ZNF597: variants seen among roughly 807,000 people sequenced by gnomAD.
ZNF597 encodes the protein zinc finger protein 597.
In ZNF597, 5 loss-of-function variants were observed where a neutral mutation model predicts 7.3. The observed-to-expected ratio is 0.68, with a 90% confidence interval of 0.36 to 1.44. The LOEUF is 1.44. Ranked by LOEUF, ZNF597 falls within the 40% of genes most tolerant of loss-of-function variation. The probability of loss-of-function intolerance (pLI) is 0.04; values close to 1 mark genes in which losing one functional copy is unlikely to be tolerated. For missense variants in ZNF597, 585 were observed against 517.9 expected (o/e 1.13, Z -1.26); for synonymous variants, 209 against 185.4 (o/e 1.13, Z -1.04).
At position 3,432,829 on chromosome 16, in the gene ZNF597, T is replaced by C. The variant is rs1360994206; in HGVS notation, c.*3595A>G. 1 of 152,244 alleles carries C rather than the reference T, an allele frequency of 6.6e-6. No individual in the cohort carries two copies. Among genetic ancestry groups the C allele is most frequent in the Non-Finnish European group, 1.5e-5 (1 of 68,040 alleles). 9.4% of individuals were successfully genotyped at this position (152,244 alleles called of 1,614,324 possible). ...TACACTTCTAATGTAATGAACATCA[T>C]TTTGTTAAACAGATGGTCAAAGCAA... On this transcript the variant is annotated 3_prime_UTR_variant, in exon 4 of 4. Coordinates refer to ENST00000301744, the MANE Select transcript of ZNF597 (RefSeq NM_152457.3).
At chr16:3,443,316 G>T in intron 1 of ZNF597, 44 bp downstream of exon 1, 1 of 641,986 alleles carries the variant, frequency 1.6e-6, no homozygotes, top group Non-Finnish European at 2.5e-6. Context: ...AACCTACGCC[G>T]ACTGCTCCTC....
rs573671494 is a variant in ZNF597 at position 3,440,726 on chromosome 16, A to T, written c.160+81T>A. 1.3e-5 allele frequency: 20 copies of T among 1,562,892 alleles called. No individual in the cohort carries two copies. In the East Asian group the frequency reaches 4.5e-4, roughly 35 times the overall value. ...ACTGAGGGACAGGTCCCACTCCACCATACCAACATCTGGATAAAGCATGAA... is the reference window on the plus strand; with the variant it reads ...ACTGAGGGACAGGTCCCACTCCACCTTACCAACATCTGGATAAAGCATGAA... On this transcript the variant is annotated intron_variant, in intron 3 of 3. Coordinates refer to ENST00000301744, the MANE Select transcript of ZNF597 (RefSeq NM_152457.3).
Position 3,432,585 on chromosome 16 carries a change from G to A in ZNF597, c.*3839C>T, listed in dbSNP as rs959228933. On this transcript the variant is annotated 3_prime_UTR_variant, in exon 4 of 4. Transcript: ENST00000301744. ...TGTATACAATAAATAGAATTCTGAG[G>A]TATCCAAAGGAACTGGAGATTACAG... 1.3e-5 allele frequency: 2 copies of A among 152,064 alleles called. No homozygotes were observed. The highest frequency in any genetic ancestry group is 4.8e-5 in the African/African-American group (2 of 41,390). 9.4% of individuals were successfully genotyped at this position (152,064 alleles called of 1,614,324 possible).
At position 3,437,331 on chromosome 16, in the gene ZNF597, A is replaced by G. The variant is rs2034315426; in HGVS notation, c.368T>C (p.Ile123Thr). Residue 123 changes from isoleucine to threonine, a missense_variant, in exon 4 of 4, where the codon ATT becomes ACT. By Grantham distance (89) the Ile-to-Thr change is moderately conservative. Transcript: ENST00000301744. ...KRRVISLLVTIENHTPLVELS... is the reference protein window; with the variant it reads ...KRRVISLLVTTENHTPLVELS... ...TTCTACTAATGGGGTGTGGTTTTCA[A>G]TGGTAACTAAAAGGCTGATGACCCT... The G allele has an allele frequency of 6.2e-7, 1 of 1,613,990 alleles. No individual in the cohort carries two copies.
Position 3,436,737 on chromosome 16 carries a change from T to A in ZNF597, c.962A>T (p.Asp321Val), listed in dbSNP as rs766298565. 4.3e-5 allele frequency: 70 copies of A among 1,613,686 alleles called. No individual in the cohort carries two copies. The Middle Eastern group carries it at 1.3e-3, about 30-fold the overall frequency. Reference protein sequence around the residue: ...PALSEKSHDEDSERCSDDGDN... With the variant: ...PALSEKSHDEVSERCSDDGDN... Reference sequence around the variant, plus strand: ...CCCATCATCGCTGCAGCGTTCAGAGTCCTCGTCGTGGCTCTTCTCGGAAAG... The same window carrying A: ...CCCATCATCGCTGCAGCGTTCAGAGACCTCGTCGTGGCTCTTCTCGGAAAG... Residue 321 changes from aspartate (D) to valine (V), a missense_variant, in exon 4 of 4, where the codon GAC becomes GTC. Asp to Val is a radical substitution (Grantham distance 152, BLOSUM62 -3). Transcript: ENST00000301744.
rs759989831 is a variant in ZNF597 at position 3,443,185 on chromosome 16, C to T, written c.-32G>A. 1.2e-6 allele frequency: 2 copies of T among 1,605,918 alleles called. No homozygotes were observed. The highest frequency in any genetic ancestry group is 1.7e-6 in the Non-Finnish European group (2 of 1,175,658). On this transcript the variant is annotated 5_prime_UTR_variant, in exon 2 of 4. Transcript: ENST00000301744. ...GGTGGGGAATGCCTTCTTCAAGACG[C>T]CACAGGGACTTCGTGACAAAGCTGC...
At chr16:3,442,332 T>G (rs994404380) in intron 2 of ZNF597, among the ~76,000 whole-genome samples, 1 of 152,120 alleles carries the variant, frequency 6.6e-6, no homozygotes, top group Admixed American at 6.5e-5. Context: ...GGTGGGAGGA[T>G]AGCTGAAGGC....
At chr16:3,443,318 C>A (rs764149946) in intron 1 of ZNF597, 42 bp downstream of exon 1, 1 of 654,844 alleles carries the variant, frequency 1.5e-6, no homozygotes, top group Non-Finnish European at 2.5e-6. Context: ...CCTACGCCGA[C>A]TGCTCCTCCT....
intron 2 of ZNF597, among the ~76,000 whole-genome samples, chr16:3,442,557 C>T (rs1012110593): frequency 6.6e-6 from 1 of 152,050 alleles, no homozygotes; most frequent in Non-Finnish European, 1.5e-5. Flanking sequence ...CGCCTGTAGT[C>T]CCATCTACTC....
chr16:3,443,208 TG>T lies in ZNF597; in HGVS notation c.-53-3del. ...CGCCACAGGGACTTCGTGACAAAGCTGCGGGGGGAGAGAACAGTTCTTAAAG... is the reference window on the plus strand; with the variant it reads ...CGCCACAGGGACTTCGTGACAAAGCTCGGGGGGAGAGAACAGTTCTTAAAG... On this transcript the variant is annotated splice_region_variant and splice_polypyrimidine_tract_variant and intron_variant, in intron 1 of 3. Coordinates refer to ENST00000301744, the MANE Select transcript of ZNF597 (RefSeq NM_152457.3). 1 of 1,577,272 alleles carries T rather than the reference TG, an allele frequency of 6.3e-7. No homozygotes were observed. Among genetic ancestry groups the T allele is most frequent in the Non-Finnish European group, 8.7e-7 (1 of 1,155,130 alleles).
At position 3,436,492 on chromosome 16, in the gene ZNF597, C is replaced by G. The variant is rs751301431; in HGVS notation, c.1207G>C (p.Gly403Arg). Reference protein sequence around the residue: ...LAEPFKCTVCGKTFKSNLHLI... With the variant: ...LAEPFKCTVCRKTFKSNLHLI... ...TGCAAATTCGACTTGAAAGTTTTCC[C>G]ACACACGGTACATTTAAAAGGTTCC... Residue 403 changes from glycine (G) to arginine (R), a missense_variant, in exon 4 of 4, where the codon GGG (glycine) becomes CGG (arginine). By Grantham distance (125) the Gly-to-Arg change is moderately radical (BLOSUM62 -2). Coordinates refer to ENST00000301744, the MANE Select transcript of ZNF597 (RefSeq NM_152457.3). 2 of 1,614,184 alleles carry G rather than the reference C, an allele frequency of 1.2e-6. No homozygotes were observed. The highest frequency in any genetic ancestry group is 3.3e-5 in the Admixed American group (2 of 60,026).
intron 1 of ZNF597, 27 bp downstream of exon 1, chr16:3,443,333 G>A: frequency 1.6e-6 from 1 of 619,122 alleles, no homozygotes; most frequent in Admixed American, 3.4e-5. Context: ...CCTCCTCTTG[G>A]CCCGGCCTCG....
At chr16:3,438,354 T>C (rs1338954328) in intron 3 of ZNF597, among the ~76,000 whole-genome samples, 2 of 151,108 alleles carry the variant, frequency 1.3e-5, no homozygotes, top group African/African-American at 4.9e-5. Flanking sequence ...GATCAGGAGA[T>C]CAAGACCATC....
In ZNF597 at chr16:3,440,879, T is replaced by C. The variant is rs2270493; in HGVS notation, c.88A>G (p.Thr30Ala). 2 of 1,613,792 alleles carry C rather than the reference T, an allele frequency of 1.2e-6. No homozygotes were observed. Among genetic ancestry groups the C allele is most frequent in the East Asian group, 4.5e-5 (2 of 44,868 alleles). The part of the protein sequence containing the change: ...AVYFSQEECV[T>A]LHPAQRSLSK... ...AGGGACCTCTGGGCAGGGTGCAGAG[T>C]CACGCACTCCTCTTGAGAAAAATAC... is the stretch of plus-strand genomic sequence containing the variant. The change falls in exon 3 of 4, where the codon ACT becomes GCT. Residue 30 changes from threonine (T) to alanine (A), a missense_variant. Transcript: ENST00000301744.
At position 3,437,014 on chromosome 16, in the gene ZNF597, G is replaced by A. The variant is rs755317229; in HGVS notation, c.685C>T (p.Arg229Ter). 5.0e-6 allele frequency: 8 copies of A among 1,613,994 alleles called. No individual in the cohort carries two copies. Among genetic ancestry groups the A allele is most frequent in the African/African-American group, 2.7e-5 (2 of 74,884 alleles). The change falls in exon 4 of 4, where the codon CGA becomes TGA. Residue 229 changes from arginine to a stop codon, truncating the protein, a stop_gained. Coordinates refer to ENST00000301744, the MANE Select transcript of ZNF597 (RefSeq NM_152457.3). LOFTEE classifies it low-confidence loss of function (END_TRUNC). Reference sequence around the variant, plus strand: ...TCCTTTACGTGGCTATTCATGTGTCGGGATAGATGAGAGTGCTGGCGAAAG... The same window carrying A: ...TCCTTTACGTGGCTATTCATGTGTCAGGATAGATGAGAGTGCTGGCGAAAG... ...ASFRQHSHLS[R>*]HMNSHVKEKP...
intron 1 of ZNF597, 37 bp from the exon 2 acceptor site, chr16:3,443,243 T>G: frequency 7.4e-7 from 1 of 1,358,046 alleles, no homozygotes; most frequent in South Asian, 1.4e-5. Context: ...AGGGACCAAT[T>G]CCGCTGCCAA....
In ZNF597 at chr16:3,437,205, A is replaced by C; in HGVS notation, c.494T>G (p.Phe165Cys). Residue 165 changes from phenylalanine (F) to cysteine (C), a missense_variant, in exon 4 of 4, where the codon TTC becomes TGC. Coordinates refer to ENST00000301744, the MANE Select transcript of ZNF597 (RefSeq NM_152457.3). ...VYKCPECDQN[F>C]SDHSYLVLHQ... ...CAAAACTAGGTATGAATGATCGCTG[A>C]AGTTTTGGTCACACTCAGGACATTT... The C allele has an allele frequency of 6.2e-7, 1 of 1,614,148 alleles. No homozygotes were observed.
chr16:3,441,692 G>C (rs184057342), intron 2 of ZNF597, among the ~76,000 whole-genome samples: 108 of 151,970 alleles, frequency 7.1e-4, no homozygotes, highest in African/African-American at 2.4e-3. Flanking sequence ...GTCTCAAGCA[G>C]AGCTTGCAGT....
At position 3,436,848 on chromosome 16, in the gene ZNF597, G is replaced by A. The variant is rs954836512; in HGVS notation, c.851C>T (p.Ala284Val). 3.7e-6 allele frequency: 6 copies of A among 1,613,992 alleles called. No homozygotes were observed. The highest frequency in any genetic ancestry group is 1.6e-4 in the Middle Eastern group (1 of 6,084). Residue 284 changes from alanine (A) to valine (V), a missense_variant, in exon 4 of 4, where the codon GCT becomes GTT. Ala to Val is a moderately conservative substitution (Grantham distance 64). Coordinates refer to ENST00000301744, the MANE Select transcript of ZNF597 (RefSeq NM_152457.3). ...TGATACGAATGTTTCCTCAGGCAAA[G>A]CAAGATTTGGTTTCTCATTAAAATG... The part of the protein sequence containing the change: ...DKHFNEKPNL[A>V]LPEETFVSGP...
Sources: allele counts gnomAD v4.1 joint callset (sites outside exome capture counted in the v4.1 genomes callset), GRCh38; gene constraint gnomAD v4.1.1; transcripts MANE v1.5; gene names NCBI Gene and HGNC (gene_info 2026-07-23, HGNC 2026-07-21).